Variants in CDC27 observed in about 807,000 individuals in gnomAD.
The protein encoded by CDC27 is cell division cycle 27.
In CDC27, 27 loss-of-function variants were observed where a neutral mutation model predicts 109.7. The observed-to-expected ratio is 0.25, with a 90% CI of 0.18 to 0.34. The LOEUF (loss-of-function observed/expected upper bound fraction) is 0.34, where lower values mean the gene tolerates loss of function less well. Among genes scored for constraint, CDC27 ranks in the 10% least tolerant of loss-of-function variants. The pLI is 1.00. For missense variants in CDC27, 579 were observed against 960.2 expected, an observed-to-expected ratio of 0.60 and a Z score of 5.25; for synonymous variants, 266 against 333.9, an observed-to-expected ratio of 0.80 and a Z score of 2.22.
At chr17:47,184,419 CA>C (rs1412438056) in intron 1 of CDC27, among the ~76,000 whole-genome samples, 1 of 152,122 alleles carries the variant, frequency 6.6e-6, no homozygotes, top group East Asian at 1.9e-4. Flanking sequence ...ACAAAAGACT[CA>C]AATGATTTAC....
chr17:47,133,028 T>TACACACACACACAC (rs71138587), intron 14 of CDC27, among the ~76,000 whole-genome samples: 3 of 29,822 alleles, frequency 1.0e-4, no homozygotes, highest in African/African-American at 4.4e-4. Context: ...TATATATATA[T>TACACACACACACAC]ACACACACAC....
chr17:47,144,251 C>T (rs1241350434), intron 9 of CDC27, among the ~76,000 whole-genome samples: 1 of 151,982 alleles, frequency 6.6e-6, no homozygotes, highest in African/African-American at 2.4e-5. Flanking sequence ...CCTTAATAAA[C>T]TTTCCTTCAT....
At chr17:47,132,410 T>C in intron 14 of CDC27, 36 bp from the exon 15 acceptor site, 3 of 1,076,520 alleles carry the variant, frequency 2.8e-6, no homozygotes, top group East Asian at 2.6e-5. Context: ...TTTAAAAATA[T>C]AAAGTTTAGG....
At chr17:47,174,595 C>T (rs551763186) in intron 2 of CDC27, among the ~76,000 whole-genome samples, 2 of 149,180 alleles carry the variant, frequency 1.3e-5, no homozygotes, top group African/African-American at 4.8e-5. Context: ...AGAAATCAAT[C>T]GTGTACTAGT....
chr17:47,177,525 G>A (rs1423010368), intron 2 of CDC27, among the ~76,000 whole-genome samples: 2 of 152,184 alleles, frequency 1.3e-5, no homozygotes, highest in African/African-American at 4.8e-5. Context: ...CCGAGATTGG[G>A]CCACTGCACT....
chr17:47,123,402 C>CTTTTTTTTTTTTTTTTTTTTCT (rs2062036049), intron 17 of CDC27, among the ~76,000 whole-genome samples: 1 of 123,002 alleles, frequency 8.1e-6, no homozygotes, highest in Non-Finnish European at 1.7e-5. Context: ...TTTTTTTCTA[C>CTTTTTTTTTTTTTTTTTTTTCT]TTTTTTTTTT....
At chr17:47,162,798 T>C (rs935432278) in intron 4 of CDC27, among the ~76,000 whole-genome samples, 1 of 152,164 alleles carries the variant, frequency 6.6e-6, no homozygotes, top group Non-Finnish European at 1.5e-5. Flanking sequence ...ATTTTTATAA[T>C]GAGTAATTAT....
intron 16 of CDC27, among the ~76,000 whole-genome samples, chr17:47,124,544 A>G (rs1165192466): frequency 1.3e-5 from 2 of 152,186 alleles, no homozygotes; most frequent in Admixed American, 1.3e-4. Flanking sequence ...TCAGCCTACC[A>G]AAGTGCTGGG....
At chr17:47,133,446 G>GTT (rs548608433) in intron 14 of CDC27, among the ~76,000 whole-genome samples, 2 of 121,566 alleles carry the variant, frequency 1.6e-5, no homozygotes, top group African/African-American at 6.2e-5. Flanking sequence ...CTGTTTTTTT[G>GTT]TTTTTTTTTT....
intron 14 of CDC27, 74 bp downstream of exon 14, chr17:47,137,078 C>T (rs1316703315): frequency 2.7e-6 from 2 of 739,096 alleles, no homozygotes; most frequent in Non-Finnish European, 4.1e-6. Flanking sequence ...TAATAAAGAG[C>T]TATCTAACAA....
chr17:47,145,419 T>C (rs1462597162), intron 9 of CDC27, among the ~76,000 whole-genome samples: 2 of 152,102 alleles, frequency 1.3e-5, no homozygotes, highest in African/African-American at 2.4e-5. Flanking sequence ...GTGTAGGTGT[T>C]TGAGTGTTAT....
chr17:47,184,020 G>T (rs2064338710), intron 1 of CDC27, among the ~76,000 whole-genome samples: 1 of 152,032 alleles, frequency 6.6e-6, no homozygotes, highest in Non-Finnish European at 1.5e-5. Context: ...ATGAAATCTG[G>T]GATTTCCTAA....
At chr17:47,184,619 G>A (rs1311986828) in intron 1 of CDC27, among the ~76,000 whole-genome samples, 5 of 152,196 alleles carry the variant, frequency 3.3e-5, no homozygotes, top group African/African-American at 1.2e-4. Flanking sequence ...TTAAAATCAA[G>A]CTTTGCTCAG....
At chr17:47,126,572 G>A (rs1203858593) in intron 16 of CDC27, among the ~76,000 whole-genome samples, 2 of 152,142 alleles carry the variant, frequency 1.3e-5, no homozygotes, top group East Asian at 1.9e-4. Context: ...CAACTGATGA[G>A]ATTAGAACTT....
At chr17:47,129,349 T>C (rs780613746) in intron 16 of CDC27, 44 bp downstream of exon 16, 1 of 1,408,234 alleles carries the variant, frequency 7.1e-7, no homozygotes, top group Non-Finnish European at 9.8e-7. Context: ...TAACGTTGTT[T>C]TTAAGCAATA....
At chr17:47,133,028 T>TATATATACACACACAC (rs1555783886) in intron 14 of CDC27, among the ~76,000 whole-genome samples, 1 of 29,824 alleles carries the variant, frequency 3.4e-5, no homozygotes, top group Non-Finnish European at 5.8e-5. Flanking sequence ...TATATATATA[T>TATATATACACACACAC]ACACACACAC....
rs181418695 is a variant in CDC27, at chr17:47,132,828, G to A, written c.1914-454C>T. Among the ~76,000 whole-genome samples, 10 of 144,406 alleles carry A rather than the reference G, an allele frequency of 6.9e-5. No individual in the cohort carries two copies. In the East Asian group the frequency reaches 2.0e-3, roughly 29 times the overall value. The allele number at this position is 144,406 out of a possible 152,430, so 94.7% of individuals were successfully genotyped here. A position where few individuals can be genotyped will look rare whatever the true frequency, so the allele number is the denominator to read the frequency against. ...TCTGTTGCCTAGGCTGGAGTGCAGTGGCTCAATCACGGCTCACTGCAGCCT... is the reference window on the plus strand; with the variant it reads ...TCTGTTGCCTAGGCTGGAGTGCAGTAGCTCAATCACGGCTCACTGCAGCCT... On this transcript the variant is annotated intron_variant, in intron 14 of 18. Coordinates refer to ENST00000066544, the MANE Select transcript of CDC27 (RefSeq NM_001256.6).
chr17:47,176,038 G>A (rs1003056523), intron 2 of CDC27, among the ~76,000 whole-genome samples: 1 of 151,958 alleles, frequency 6.6e-6, no homozygotes, highest in Non-Finnish European at 1.5e-5. Context: ...TTTAAAGGTT[G>A]CTGTTAGGAT....
chr17:47,187,938 T>C (rs2064509445), intron 1 of CDC27, among the ~76,000 whole-genome samples: 1 of 152,034 alleles, frequency 6.6e-6, no homozygotes, highest in Non-Finnish European at 1.5e-5. Context: ...TACAGACAGG[T>C]AAATTTCATA....
Sources: gnomAD v4.1 joint callset for allele counts (sites outside exome capture counted in the v4.1 genomes callset) on GRCh38, gnomAD v4.1.1 for gene constraint, MANE v1.5 for transcripts, NCBI Gene and HGNC (gene_info 2026-07-23, HGNC 2026-07-21) for gene names.